C4orf36: variants seen among roughly 807,000 people sequenced by gnomAD.
C4orf36 encodes uncharacterized protein C4orf36.
C4orf36 carries 11 observed loss-of-function variants against 12.2 expected under a neutral mutation model. That is an observed-to-expected ratio of 0.90 (90% CI 0.57 to 1.49). C4orf36 has a LOEUF of 1.49. Ranked by LOEUF, C4orf36 falls within the 40% of genes most tolerant of loss-of-function variation. C4orf36 has a pLI of 0.00. For missense variants in C4orf36, 137 were observed against 133.9 expected (o/e 1.02, Z -0.11); for synonymous variants, 54 against 51.3 (o/e 1.05, Z -0.22).
At chr4:86,917,330 T>TGAAG in the C4orf36 span, among the ~76,000 whole-genome samples, 83,985 of 132,008 alleles carry the variant, frequency 0.64, 27,387 homozygotes, top group Middle Eastern at 0.8. Flanking sequence ...GAGAGAGAGA[T>TGAAG]GAAGGAAGGA....
chr4:86,894,768 G>A (rs890975336), upstream of C4orf36, among the ~76,000 whole-genome samples: 9 of 152,140 alleles, frequency 5.9e-5, no homozygotes, highest in Non-Finnish European at 1.2e-4. Flanking sequence ...CTCACCCTAG[G>A]AGAGACTGGC....
At chr4:86,886,427 AC>A (rs1220063612) in intron 4 of C4orf36, 18 of 152,260 alleles carry the variant, frequency 1.2e-4, no homozygotes, top group Admixed American at 4.6e-4. Flanking sequence ...CAAGAAAAAA[AC>A]AACCCCATCA....
chr4:86,886,069 A>G (rs1324503440), intron 4 of C4orf36, among the ~76,000 whole-genome samples: 2 of 152,268 alleles, frequency 1.3e-5, no homozygotes, highest in Non-Finnish European at 1.5e-5. Context: ...ATGGTGGATA[A>G]GCTTTTTGAT....
At chr4:86,918,123 TA>T in the C4orf36 span, among the ~76,000 whole-genome samples, 1 of 152,220 alleles carries the variant, frequency 6.6e-6, no homozygotes, top group Non-Finnish European at 1.5e-5. Context: ...TTTTTATTTT[TA>T]AGGGCACTAA....
At chr4:86,934,739 G>A in the C4orf36 span, 1 of 152,284 alleles carries the variant, frequency 6.6e-6, no homozygotes, top group Non-Finnish European at 1.5e-5. Context: ...AAGTGAAAGG[G>A]TTCTTGCGCC....
upstream of C4orf36, among the ~76,000 whole-genome samples, chr4:86,893,954 T>C (rs1747530663): frequency 6.6e-6 from 1 of 151,904 alleles, no homozygotes; most frequent in African/African-American, 2.4e-5. Flanking sequence ...TGGAGTGCAG[T>C]GGCGCCATCT....
At position 86,876,268 on chromosome 4, in the gene C4orf36, ATTAAGAGATTT is replaced by A; in HGVS notation, c.*167_*177del. On this transcript the variant is annotated 3_prime_UTR_variant, in exon 5 of 5. Coordinates refer to ENST00000295898, the MANE Select transcript of C4orf36 (RefSeq NM_144645.4). ...GAGAAACAAACTGAGTTCCACTGAA[ATTAAGAGATTT>A]TCTCGGTCTCTGGGCGGGCCGTGGG... The A allele has an allele frequency of 2.6e-6, 2 of 756,398 alleles. No homozygotes were observed. The highest frequency in any genetic ancestry group is 4.0e-6 in the Non-Finnish European group (2 of 500,244). The allele number at this position is 756,398 out of a possible 1,614,324, so 46.9% of individuals were successfully genotyped here.
In C4orf36 at chr4:86,888,199, C is replaced by T. The variant is rs749360155; in HGVS notation, c.142G>A (p.Glu48Lys). The T allele has an allele frequency of 6.2e-7, 1 of 1,614,162 alleles. No individual in the cohort carries two copies. The highest frequency in any genetic ancestry group is 8.5e-7 in the Non-Finnish European group (1 of 1,180,024). ...ACAGAACCACCAAATGAAATTTCTT[C>T]CAAGAAAGGCAACTTGATATTGGCT... ...NLANIKLPFL[E>K]EISFGGSVQL... The change falls in exon 3 of 5, where the codon GAA becomes AAA. Residue 48 changes from glutamate (E) to lysine (K), a missense_variant. Coordinates refer to ENST00000295898, the MANE Select transcript of C4orf36 (RefSeq NM_144645.4).
chr4:86,902,869 CTT>C, the C4orf36 span, among the ~76,000 whole-genome samples: 2 of 152,098 alleles, frequency 1.3e-5, no homozygotes, highest in Non-Finnish European at 2.9e-5. Flanking sequence ...CATATGGAAT[CTT>C]TATTTCTTTC....
At chr4:86,931,810 T>C in the C4orf36 span, among the ~76,000 whole-genome samples, 463 of 139,572 alleles carry the variant, frequency 3.3e-3, no homozygotes, top group African/African-American at 0.012. Context: ...CCGAGGCGGG[T>C]GGATCACGAG....
the C4orf36 span, among the ~76,000 whole-genome samples, chr4:86,916,228 A>C: frequency 6.6e-6 from 1 of 152,174 alleles, no homozygotes; most frequent in African/African-American, 2.4e-5. Context: ...AAGTATGGGG[A>C]ATAGGTATGT....
At chr4:86,913,681 G>C in the C4orf36 span, 2 of 1,603,604 alleles carry the variant, frequency 1.2e-6, no homozygotes, top group Non-Finnish European at 1.7e-6. Flanking sequence ...GTGCTGTTGT[G>C]GCTGACCCAG....
intron 4 of C4orf36, among the ~76,000 whole-genome samples, chr4:86,885,214 GT>G (rs1747147662): frequency 6.6e-6 from 1 of 152,142 alleles, no homozygotes; most frequent in South Asian, 2.1e-4. Flanking sequence ...CTTTGAAGTA[GT>G]TTTTTCCAAT....
At position 86,889,456 on chromosome 4, in the gene C4orf36, T is replaced by C. The variant is rs1033582010; in HGVS notation, c.66-1181A>G. Among the ~76,000 whole-genome samples, 16 of 152,226 alleles carry C rather than the reference T, an allele frequency of 1.1e-4. No individual in the cohort carries two copies. The South Asian group carries it at 2.7e-3, about 26-fold the overall frequency. On this transcript the variant is annotated intron_variant, in intron 2 of 4. Coordinates refer to ENST00000295898, the MANE Select transcript of C4orf36 (RefSeq NM_144645.4). ...AATGAAAGAATAAGGATTGTGTCGA[T>C]TTGGAAAGATAAGCAATAAAACAGT...
At chr4:86,930,321 G>A in the C4orf36 span, among the ~76,000 whole-genome samples, 1 of 152,250 alleles carries the variant, frequency 6.6e-6, no homozygotes, top group Non-Finnish European at 1.5e-5. Context: ...ATAGACACTA[G>A]TTGAAACACT....
the C4orf36 span, among the ~76,000 whole-genome samples, chr4:86,909,522 T>C: frequency 6.6e-6 from 1 of 152,228 alleles, no homozygotes; most frequent in Admixed American, 6.5e-5. Context: ...TGAATTTCTA[T>C]ATCTCAGTGC....
upstream of C4orf36, among the ~76,000 whole-genome samples, chr4:86,895,818 C>T (rs528376517): frequency 6.6e-6 from 1 of 152,052 alleles, no homozygotes; most frequent in Non-Finnish European, 1.5e-5. Flanking sequence ...TTTTTCCCCC[C>T]TGCTTTGCTG....
intron 4 of C4orf36, among the ~76,000 whole-genome samples, chr4:86,883,014 G>A (rs1021763279): frequency 6.6e-6 from 1 of 152,152 alleles, no homozygotes; most frequent in Admixed American, 6.6e-5. Context: ...TAGCCATCCT[G>A]ATGGTCTTTT....
At chr4:86,922,891 G>A in the C4orf36 span, among the ~76,000 whole-genome samples, 11 of 151,592 alleles carry the variant, frequency 7.3e-5, no homozygotes, top group African/African-American at 1.2e-4. Flanking sequence ...TCCCTTGGAT[G>A]TTCTCCCTCA....
Sources: allele counts gnomAD v4.1 joint callset (sites outside exome capture counted in the v4.1 genomes callset), GRCh38; gene constraint gnomAD v4.1.1; transcripts MANE v1.5; gene names NCBI Gene and HGNC (gene_info 2026-07-23, HGNC 2026-07-21).